Variants in SRL observed in about 807,000 individuals in gnomAD.
SRL encodes sarcalumenin.
In SRL, 23 loss-of-function variants were observed where a neutral mutation model predicts 39.5. The ratio of observed to expected loss-of-function variants is 0.58; its 90% CI spans 0.42 to 0.82. The LOEUF is 0.82. SRL is among the 40% of genes least tolerant of loss of function. The pLI is 0.00. For synonymous variants in SRL, 272 were observed against 237.4 expected, an observed-to-expected ratio of 1.15 and a Z score of -1.34; for missense variants, 592 against 607.8, an observed-to-expected ratio of 0.97 and a Z score of 0.27.
chr16:4,223,517 C>T (rs1317896795), intron 1 of SRL, among the ~76,000 whole-genome samples: 1 of 151,754 alleles, frequency 6.6e-6, no homozygotes, highest in Non-Finnish European at 1.5e-5. Context: ...AGTGGGACTA[C>T]AGGTGCATGC....
chr16:4,234,211 C>T (rs953740733), intron 1 of SRL, among the ~76,000 whole-genome samples: 1 of 152,164 alleles, frequency 6.6e-6, no homozygotes, highest in Non-Finnish European at 1.5e-5. Context: ...CCAGGCTGGT[C>T]TGGAACTCCT....
At chr16:4,196,627 C>T (rs937223879) in intron 4 of SRL, among the ~76,000 whole-genome samples, 1 of 151,984 alleles carries the variant, frequency 6.6e-6, no homozygotes, top group African/African-American at 2.4e-5. Context: ...ATTACAGGTG[C>T]CCAGCACCAT....
At chr16:4,240,064 C>G (rs964344221) in intron 1 of SRL, among the ~76,000 whole-genome samples, 1 of 152,188 alleles carries the variant, frequency 6.6e-6, no homozygotes, top group African/African-American at 2.4e-5. Context: ...GCCCACCACC[C>G]CAGCCAGAGC....
chr16:4,226,186 A>G (rs1597291450), intron 1 of SRL, among the ~76,000 whole-genome samples: 1 of 152,244 alleles, frequency 6.6e-6, no homozygotes, highest in South Asian at 2.1e-4. Context: ...TCTCCATCGC[A>G]TCTACCACCT....
chr16:4,222,655 G>A (rs1425643865), intron 1 of SRL, among the ~76,000 whole-genome samples: 3 of 128,662 alleles, frequency 2.3e-5, no homozygotes, highest in Non-Finnish European at 4.8e-5. Context: ...GTCCCCACTG[G>A]AGGCTGCAGA....
intron 4 of SRL, among the ~76,000 whole-genome samples, chr16:4,196,671 A>G (rs1193269274): frequency 3.3e-5 from 5 of 151,616 alleles, no homozygotes; most frequent in Admixed American, 3.3e-4. Context: ...AGTAGAGACA[A>G]GGTTTCACCA....
chr16:4,207,294 G>T (rs761026708), intron 1 of SRL: 2 of 456,850 alleles, frequency 4.4e-6, no homozygotes, highest in Admixed American at 2.3e-5. Context: ...GTTCTCCTCA[G>T]TGTCCCCTGC....
chr16:4,227,759 T>C (rs1369090523), intron 1 of SRL, among the ~76,000 whole-genome samples: 1 of 152,122 alleles, frequency 6.6e-6, no homozygotes, highest in African/African-American at 2.4e-5. Context: ...CCAGGCCCGC[T>C]TCTCATTATT....
At chr16:4,205,589 C>G (rs2052308231) in intron 1 of SRL, among the ~76,000 whole-genome samples, 1 of 151,978 alleles carries the variant, frequency 6.6e-6, no homozygotes, top group Non-Finnish European at 1.5e-5. Flanking sequence ...AGTTAGGTGA[C>G]CAGTGGAGAG....
chr16:4,222,784 G>A (rs1312419948), intron 1 of SRL, among the ~76,000 whole-genome samples: 2 of 152,170 alleles, frequency 1.3e-5, no homozygotes, highest in Non-Finnish European at 1.5e-5. Context: ...AAGGACCACA[G>A]AGGAGCTTGA....
At chr16:4,208,482 C>T (rs570433969) in intron 1 of SRL, among the ~76,000 whole-genome samples, 1 of 152,282 alleles carries the variant, frequency 6.6e-6, no homozygotes, top group South Asian at 2.1e-4. Flanking sequence ...CCCTTCCAGT[C>T]CCTCAACCTT....
chr16:4,230,781 T>C lies in SRL; in HGVS notation c.61+11226A>G, dbSNP rs1034015133. Among the ~76,000 whole-genome samples the C allele has an allele frequency of 7.2e-5, 11 of 152,026 alleles. 1 individual carries two copies. The highest frequency in any genetic ancestry group is 4.2e-4 in the South Asian group (2 of 4,814). ...TAGGTGGGCCCTAAACCCAACATCT[T>C]CAATGTCCTTAGGTGATGAGGAGAG... is the stretch of plus-strand genomic sequence containing the variant. On this transcript the variant is annotated intron_variant, in intron 1 of 5. Coordinates refer to ENST00000399609, the MANE Select transcript of SRL (RefSeq NM_001098814.2).
At chr16:4,208,953 G>T (rs926574893) in intron 1 of SRL, among the ~76,000 whole-genome samples, 1 of 152,124 alleles carries the variant, frequency 6.6e-6, no homozygotes, top group African/African-American at 2.4e-5. Context: ...CTCTGTCAAG[G>T]ATCAAGTTTA....
At chr16:4,194,898 C>T (rs552600032) in intron 5 of SRL, among the ~76,000 whole-genome samples, 4 of 151,970 alleles carry the variant, frequency 2.6e-5, no homozygotes, top group African/African-American at 9.6e-5. Context: ...TTCTTTTCTT[C>T]CTTTTTTTTT....
chr16:4,192,948 G>A lies in SRL; in HGVS notation c.627C>T (p.Asp209=), dbSNP rs201393058. Residue 209 remains aspartate (D), a synonymous_variant, in exon 6 of 6, where the codon GAC becomes GAT. Coordinates refer to ENST00000399609, the MANE Select transcript of SRL (RefSeq NM_001098814.2). This position sits in a 1 kb window ranked among gnomAD's most constrained non-coding sequence, Gnocchi z 4.0. ...KQQERGYPFN[D]VCQWFIDRAD... is the part of the protein sequence containing the mutation. ...CTCTGTCGATGAACCACTGGCACAC[G>A]TCGTTGAAGGGGTAGCCTTTGGGAG... The A allele has an allele frequency of 1.1e-4, 179 of 1,610,588 alleles. No individual in the cohort carries two copies. The Middle Eastern group carries it at 1.3e-3, about 12-fold the overall frequency.
At chr16:4,236,802 C>T (rs2052718837) in intron 1 of SRL, among the ~76,000 whole-genome samples, 1 of 152,078 alleles carries the variant, frequency 6.6e-6, no homozygotes, top group African/African-American at 2.4e-5. Context: ...TGCCACTACG[C>T]CCGGCTAATT....
In SRL at chr16:4,203,279, C is replaced by CG. The variant is rs752160780; in HGVS notation, c.164-19dup. 6.2e-6 allele frequency: 10 copies of CG among 1,609,790 alleles called. No homozygotes were observed. Among genetic ancestry groups the CG allele is most frequent in the Non-Finnish European group, 7.7e-6 (9 of 1,176,330 alleles). On this transcript the variant is annotated intron_variant, in intron 2 of 5. Coordinates refer to ENST00000399609, the MANE Select transcript of SRL (RefSeq NM_001098814.2). The stretch of plus-strand genomic sequence containing the variant: ...CAGCACCGCTGGAGACAGAGAGGGC[C>CG]GGGGGAAGAGCATCACGCAGGTGCG...
intron 1 of SRL, among the ~76,000 whole-genome samples, chr16:4,218,718 C>G (rs947164982): frequency 9.2e-5 from 14 of 152,226 alleles, no homozygotes; most frequent in Admixed American, 9.2e-4. Flanking sequence ...GACAACAGGG[C>G]GCACAGCCCC....
At chr16:4,201,749 G>C (rs1328020736) in intron 3 of SRL, among the ~76,000 whole-genome samples, 1 of 136,892 alleles carries the variant, frequency 7.3e-6, no homozygotes, top group Non-Finnish European at 1.6e-5. Context: ...TCTGCCTCCC[G>C]GGTTCAAGCA....
Sources: allele counts gnomAD v4.1 joint callset (sites outside exome capture counted in the v4.1 genomes callset), GRCh38; gene constraint gnomAD v4.1.1; non-coding constraint Gnocchi (gnomAD v3.1); transcripts MANE v1.5; gene names NCBI Gene and HGNC (gene_info 2026-07-23, HGNC 2026-07-21).